VPS50: variants seen among roughly 807,000 people sequenced by gnomAD.
The protein encoded by VPS50 is syndetin.
VPS50 carries 70 observed loss-of-function variants against 139.7 expected under a neutral mutation model. The observed-to-expected ratio is 0.50, with a 90% CI of 0.41 to 0.61. The LOEUF (loss-of-function observed/expected upper bound fraction) is 0.61, where lower values mean the gene tolerates loss of function less well. Among genes scored for constraint, VPS50 ranks in the 20% least tolerant of loss-of-function variants. The probability of loss-of-function intolerance (pLI) is 0.00; values close to 1 mark genes in which losing one functional copy is unlikely to be tolerated. For missense variants in VPS50, 921 were observed against 1,133.7 expected, an observed-to-expected ratio of 0.81 and a Z score of 2.69; for synonymous variants, 365 against 376.7, an observed-to-expected ratio of 0.97 and a Z score of 0.36.
rs189510018 is a variant in VPS50 at position 93,250,758 on chromosome 7, A to G, written c.103-1895A>G. Reference sequence around the variant, plus strand: ...AAATTACCATCAGAGTGAAAAGGCAACCTACAGAATGGGAGAAAATGTTTG... The same window carrying G: ...AAATTACCATCAGAGTGAAAAGGCAGCCTACAGAATGGGAGAAAATGTTTG... On this transcript the variant is annotated intron_variant, in intron 2 of 27. Transcript: ENST00000305866. Among the ~76,000 whole-genome samples the G allele has an allele frequency of 7.9e-5, 12 of 152,296 alleles. No individual in the cohort carries two copies. The East Asian group carries it at 1.7e-3, about 22-fold the overall frequency.
In VPS50 at chr7:93,299,831, C is replaced by T. The variant is rs550663077; in HGVS notation, c.1361+2588C>T. On this transcript the variant is annotated intron_variant, in intron 16 of 27. Coordinates refer to ENST00000305866, the MANE Select transcript of VPS50 (RefSeq NM_017667.4). ...AATATTCAGGTACTAAGTTTATATACACCCAAAGAACATCGTTCTGTCAGA... is the reference window on the plus strand; with the variant it reads ...AATATTCAGGTACTAAGTTTATATATACCCAAAGAACATCGTTCTGTCAGA... Among the ~76,000 whole-genome samples, 12 of 152,206 alleles carry T rather than the reference C, an allele frequency of 7.9e-5. 1 individual carries two copies. The South Asian group carries it at 2.3e-3, about 29-fold the overall frequency.
At chr7:93,279,748 A>G (rs554037523) in intron 12 of VPS50, among the ~76,000 whole-genome samples, 4 of 152,316 alleles carry the variant, frequency 2.6e-5, no homozygotes, top group South Asian at 2.1e-4. Flanking sequence ...TACAGTAGCA[A>G]TGTTTTGAAG....
chr7:93,243,593 G>A (rs569112719), intron 2 of VPS50, among the ~76,000 whole-genome samples: 1 of 151,880 alleles, frequency 6.6e-6, no homozygotes, highest in Admixed American at 6.6e-5. Flanking sequence ...CAAATTAGTG[G>A]GATTTTCATG....
chr7:93,314,764 G>A (rs980414482), intron 20 of VPS50, among the ~76,000 whole-genome samples: 5 of 152,102 alleles, frequency 3.3e-5, no homozygotes, highest in Non-Finnish European at 5.9e-5. Context: ...TAATGTGCCT[G>A]AGATGCAGCT....
chr7:93,266,537 A>G (rs1202095548), intron 9 of VPS50, among the ~76,000 whole-genome samples: 1 of 152,210 alleles, frequency 6.6e-6, no homozygotes, highest in African/African-American at 2.4e-5. Flanking sequence ...AAAGAACACT[A>G]TTAATTGGTT....
intron 12 of VPS50, among the ~76,000 whole-genome samples, chr7:93,290,419 T>C (rs986586821): frequency 8.6e-6 from 1 of 116,782 alleles, no homozygotes; most frequent in South Asian, 2.3e-4. Flanking sequence ...ATGGGCATCT[T>C]TTTTTTTTTT....
chr7:93,280,980 A>T (rs1796310975), intron 12 of VPS50, among the ~76,000 whole-genome samples: 1 of 152,208 alleles, frequency 6.6e-6, no homozygotes, highest in East Asian at 1.9e-4. Flanking sequence ...AAAACTTTTG[A>T]AATTATTTCA....
intron 21 of VPS50, among the ~76,000 whole-genome samples, chr7:93,328,435 T>A (rs1797844981): frequency 6.6e-6 from 1 of 152,170 alleles, no homozygotes; most frequent in African/African-American, 2.4e-5. Context: ...TAAATAGGTA[T>A]CTATATATTT....
At chr7:93,317,361 C>A (rs1237819300) in intron 20 of VPS50, among the ~76,000 whole-genome samples, 1 of 152,026 alleles carries the variant, frequency 6.6e-6, no homozygotes, top group Non-Finnish European at 1.5e-5. Flanking sequence ...AGCAGCCTGG[C>A]CAACATAGCA....
intron 23 of VPS50, among the ~76,000 whole-genome samples, chr7:93,345,993 G>C (rs958109546): frequency 1.3e-5 from 2 of 152,184 alleles, no homozygotes; most frequent in African/African-American, 4.8e-5. Flanking sequence ...TTAGTCAGGA[G>C]AAGGAAATAA....
intron 12 of VPS50, among the ~76,000 whole-genome samples, chr7:93,285,248 A>G (rs1183544394): frequency 6.6e-6 from 1 of 152,168 alleles, no homozygotes; most frequent in Non-Finnish European, 1.5e-5. Flanking sequence ...GGATGCCAAA[A>G]CATCTGTTCC....
At chr7:93,336,352 A>C (rs1290464774) in intron 22 of VPS50, among the ~76,000 whole-genome samples, 1 of 152,196 alleles carries the variant, frequency 6.6e-6, no homozygotes, top group Non-Finnish European at 1.5e-5. Flanking sequence ...GTAAACTAAG[A>C]AAATTTGTTT....
chr7:93,252,306 T>C (rs1405024549), intron 2 of VPS50, among the ~76,000 whole-genome samples: 3 of 152,184 alleles, frequency 2.0e-5, no homozygotes, highest in Non-Finnish European at 4.4e-5. Context: ...TAGAATATTA[T>C]TAAATAGTAA....
chr7:93,335,490 CTTGT>C (rs1798046069), intron 22 of VPS50, among the ~76,000 whole-genome samples: 1 of 151,442 alleles, frequency 6.6e-6, no homozygotes, highest in African/African-American at 2.4e-5. Context: ...CATAACTTGG[CTTGT>C]TTTTTTGGTT....
chr7:93,307,433 A>G (rs1312134351), intron 18 of VPS50, among the ~76,000 whole-genome samples: 1 of 151,938 alleles, frequency 6.6e-6, no homozygotes, highest in Non-Finnish European at 1.5e-5. Context: ...ATAGGTCAAG[A>G]AAAGGAAACT....
chr7:93,279,154 T>G (rs1375779139), intron 12 of VPS50, among the ~76,000 whole-genome samples: 2 of 152,196 alleles, frequency 1.3e-5, no homozygotes, highest in African/African-American at 2.4e-5. Context: ...ATCCCAGGCC[T>G]TCTAGAAATT....
In VPS50 at chr7:93,358,583, GT is replaced by G. The variant is rs1269846562; in HGVS notation, c.*148del. 7 of 665,976 alleles carry G rather than the reference GT, an allele frequency of 1.1e-5. No individual in the cohort carries two copies. In the African/African-American group the frequency reaches 1.3e-4, roughly 12 times the overall value. 41.3% of individuals were successfully genotyped at this position (665,976 alleles called of 1,614,324 possible). ...ACTGGAAAGTGGAAAATATTGAAAT[GT>G]GTGTGGTGTTCTCATGACTTTTATA... On this transcript the variant is annotated 3_prime_UTR_variant, in exon 28 of 28. Coordinates refer to ENST00000305866, the MANE Select transcript of VPS50 (RefSeq NM_017667.4).
At chr7:93,281,300 A>G (rs1418210523) in intron 12 of VPS50, among the ~76,000 whole-genome samples, 1 of 152,218 alleles carries the variant, frequency 6.6e-6, no homozygotes, top group Non-Finnish European at 1.5e-5. Context: ...GAGTCAACCA[A>G]TATCTTTAGT....
At chr7:93,350,620 A>G (rs996267468) in intron 25 of VPS50, among the ~76,000 whole-genome samples, 14 of 152,170 alleles carry the variant, frequency 9.2e-5, no homozygotes, top group Non-Finnish European at 1.8e-4. Flanking sequence ...AGGAATTTAC[A>G]TGCCAGGGCA....
Sources: allele counts gnomAD v4.1 joint callset (sites outside exome capture counted in the v4.1 genomes callset), GRCh38; gene constraint gnomAD v4.1.1; transcripts MANE v1.5; gene names NCBI Gene and HGNC (gene_info 2026-07-23, HGNC 2026-07-21).